Variants in MGAT4C observed in about 807,000 individuals in gnomAD.
The protein encoded by MGAT4C is alpha-1,3-mannosyl-glycoprotein 4-beta-N-acetylglucosaminyltransferase C.
MGAT4C carries 19 observed loss-of-function variants against 40.1 expected under a neutral mutation model. The observed-to-expected ratio is 0.47, with a 90% CI of 0.33 to 0.70. MGAT4C has a LOEUF of 0.70. Among genes scored for constraint, MGAT4C ranks in the 30% least tolerant of loss-of-function variants. MGAT4C has a pLI of 0.02. For synonymous variants in MGAT4C, 181 were observed against 187.1 expected (o/e 0.97, Z 0.27); for missense variants, 491 against 563.2 (o/e 0.87, Z 1.30).
chr12:86,156,601 G>A (rs181843090), intron 1 of MGAT4C, among the ~76,000 whole-genome samples: 227 of 152,334 alleles, frequency 1.5e-3, no homozygotes, highest in Non-Finnish European at 2.6e-3. Context: ...GAATACAGGT[G>A]TGAGCCACCG....
intron 2 of MGAT4C, among the ~76,000 whole-genome samples, chr12:86,041,882 C>T (rs769116182): frequency 5.0e-4 from 76 of 152,254 alleles, no homozygotes; most frequent in East Asian, 7.7e-4. Context: ...TTTTCTGCTT[C>T]GATGATCTCC....
At chr12:86,780,868 A>C (rs1188821848) in intron 1 of MGAT4C, among the ~76,000 whole-genome samples, 1 of 152,070 alleles carries the variant, frequency 6.6e-6, no homozygotes, top group African/African-American at 2.4e-5. Context: ...ATACATATCC[A>C]TACATTGTTT....
At chr12:86,039,512 G>A (rs1018580112) in intron 2 of MGAT4C, among the ~76,000 whole-genome samples, 1 of 152,042 alleles carries the variant, frequency 6.6e-6, no homozygotes, top group Middle Eastern at 3.4e-3. Flanking sequence ...TGATGGATTC[G>A]GCTATTGATA....
At chr12:86,094,506 T>G (rs2135578720) in intron 1 of MGAT4C, among the ~76,000 whole-genome samples, 1 of 152,266 alleles carries the variant, frequency 6.6e-6, no homozygotes, top group South Asian at 2.1e-4. Context: ...AAATATTTTA[T>G]ATACTATTTT....
At chr12:86,220,623 G>T (rs1226078791) in intron 1 of MGAT4C, among the ~76,000 whole-genome samples, 1 of 152,058 alleles carries the variant, frequency 6.6e-6, no homozygotes, top group South Asian at 2.1e-4. Flanking sequence ...CCTACCATCT[G>T]TTTTGCCTCT....
chr12:86,473,475 A>G (rs1027890493), intron 2 of MGAT4C, among the ~76,000 whole-genome samples: 2 of 152,186 alleles, frequency 1.3e-5, no homozygotes, highest in Non-Finnish European at 2.9e-5. Flanking sequence ...AAGTTTACTC[A>G]TTACCAGAGA....
At chr12:86,033,167 C>A (rs1185221328) in intron 2 of MGAT4C, among the ~76,000 whole-genome samples, 6 of 118,052 alleles carry the variant, frequency 5.1e-5, no homozygotes, top group Non-Finnish European at 9.4e-5. Context: ...TTGCTCTATC[C>A]CTATAAGTAT....
In MGAT4C at chr12:86,501,402, G is replaced by T. The variant is rs141513701; in HGVS notation, c.-228-66137C>A. Among the ~76,000 whole-genome samples, 378 of 152,062 alleles carry T rather than the reference G, an allele frequency of 2.5e-3. 1 individual carries two copies. Among genetic ancestry groups the T allele is most frequent in the African/African-American group, 8.9e-3 (371 of 41,492 alleles). On this transcript the variant is annotated intron_variant, in intron 2 of 7. Transcript: ENST00000548651. ...GCAGGTTTGTTACACAGTTAAACGCGTACCATGGTGGTTGCTGTACCTATC... is the reference window on the plus strand; with the variant it reads ...GCAGGTTTGTTACACAGTTAAACGCTTACCATGGTGGTTGCTGTACCTATC...
chr12:86,274,413 T>A (rs1209768747), intron 4 of MGAT4C, among the ~76,000 whole-genome samples: 1 of 152,072 alleles, frequency 6.6e-6, no homozygotes, highest in Non-Finnish European at 1.5e-5. Context: ...TATATAGTTA[T>A]ATATGTTTCC....
At chr12:86,532,252 T>C (rs1468274301) in intron 2 of MGAT4C, among the ~76,000 whole-genome samples, 1 of 152,036 alleles carries the variant, frequency 6.6e-6, no homozygotes, top group East Asian at 1.9e-4. Flanking sequence ...TTCATACATA[T>C]AACACTTATT....
intron 1 of MGAT4C, among the ~76,000 whole-genome samples, chr12:86,061,665 T>G (rs1002472877): frequency 1.3e-5 from 2 of 152,036 alleles, no homozygotes; most frequent in African/African-American, 4.8e-5. Flanking sequence ...GAGGTCAACC[T>G]GGGATGCTCG....
chr12:86,502,945 CATAT>C (rs1215740773), intron 2 of MGAT4C, among the ~76,000 whole-genome samples: 1 of 5,638 alleles, frequency 1.8e-4, no homozygotes, highest in African/African-American at 6.1e-4. Context: ...GAGTTCTGCT[CATAT>C]ATATATATAT....
At chr12:86,040,104 T>C (rs1237435697) in intron 2 of MGAT4C, among the ~76,000 whole-genome samples, 4 of 152,182 alleles carry the variant, frequency 2.6e-5, no homozygotes, top group Non-Finnish European at 5.9e-5. Context: ...AGAAGCTTTG[T>C]CCCAGAGGGG....
chr12:86,428,368 G>A (rs564693683), intron 3 of MGAT4C, among the ~76,000 whole-genome samples: 1 of 152,168 alleles, frequency 6.6e-6, no homozygotes, highest in South Asian at 2.1e-4. Context: ...CAGGACTGAG[G>A]AGCATAATAG....
chr12:86,288,236 C>A (rs542433519), intron 4 of MGAT4C, among the ~76,000 whole-genome samples: 120 of 152,118 alleles, frequency 7.9e-4, no homozygotes, highest in African/African-American at 2.7e-3. Context: ...CTTGTAGATT[C>A]TGGATATTAG....
intron 1 of MGAT4C, among the ~76,000 whole-genome samples, chr12:86,123,328 T>C (rs1471636964): frequency 6.6e-6 from 1 of 152,068 alleles, no homozygotes; most frequent in Admixed American, 6.6e-5. Context: ...ATGATTACTG[T>C]TATTAAGAGT....
At chr12:86,391,819 C>T (rs892789303) in intron 3 of MGAT4C, among the ~76,000 whole-genome samples, 2 of 151,956 alleles carry the variant, frequency 1.3e-5, no homozygotes, top group Non-Finnish European at 2.9e-5. Context: ...GAGATCGCGA[C>T]ACTGCACTCC....
chr12:86,390,616 G>A (rs945463741), intron 3 of MGAT4C, among the ~76,000 whole-genome samples: 3 of 152,002 alleles, frequency 2.0e-5, no homozygotes, highest in Non-Finnish European at 2.9e-5. Flanking sequence ...TCACATTGCT[G>A]GAGAAAGAGC....
chr12:86,599,799 G>A (rs567145781), intron 2 of MGAT4C: 1 of 152,192 alleles, frequency 6.6e-6, no homozygotes, highest in South Asian at 2.1e-4. Flanking sequence ...ACTTTTGGGA[G>A]AAATAAAAAG....
Sources: allele counts gnomAD v4.1 joint callset (sites outside exome capture counted in the v4.1 genomes callset), GRCh38; gene constraint gnomAD v4.1.1; transcripts MANE v1.5; gene names NCBI Gene and HGNC (gene_info 2026-07-23, HGNC 2026-07-21).